Variants in GABBR2 observed in about 807,000 individuals in gnomAD.
GABBR2 encodes G-protein coupled receptor 51.
A neutral mutation model predicts 105.6 loss-of-function variants in GABBR2; 23 were observed. The observed-to-expected ratio is 0.22, with a 90% CI of 0.16 to 0.31. The LOEUF (loss-of-function observed/expected upper bound fraction) is 0.31, where lower values mean the gene tolerates loss of function less well. GABBR2 is among the 10% of genes least tolerant of loss of function. The probability of loss-of-function intolerance (pLI) is 1.00; values close to 1 mark genes in which losing one functional copy is unlikely to be tolerated. For missense variants in GABBR2, 734 were observed against 1,245.5 expected (o/e 0.59, Z 6.18); for synonymous variants, 478 against 499.7 (o/e 0.96, Z 0.58).
At chr9:98,394,686 C>T (rs1832255216) in intron 8 of GABBR2, among the ~76,000 whole-genome samples, 2 of 152,210 alleles carry the variant, frequency 1.3e-5, no homozygotes, top group Non-Finnish European at 2.9e-5. Context: ...GGTCAGTCTG[C>T]TGATACCACC....
chr9:98,342,924 G>A (rs1831238283), intron 13 of GABBR2, among the ~76,000 whole-genome samples: 2 of 152,338 alleles, frequency 1.3e-5, no homozygotes, highest in East Asian at 1.9e-4. Context: ...TCCTGAAAGT[G>A]CCTGCTTTAG....
At chr9:98,453,291 G>A (rs1352107127) in intron 7 of GABBR2, among the ~76,000 whole-genome samples, 3 of 152,238 alleles carry the variant, frequency 2.0e-5, no homozygotes, top group Non-Finnish European at 4.4e-5. Flanking sequence ...CTCCCAAAGT[G>A]TTGGGATTAC....
At chr9:98,479,366 C>A (rs532190482) in intron 5 of GABBR2, among the ~76,000 whole-genome samples, 3 of 152,272 alleles carry the variant, frequency 2.0e-5, no homozygotes, top group South Asian at 4.1e-4. Context: ...GTTACAATCC[C>A]CATTTTACAG....
intron 7 of GABBR2, among the ~76,000 whole-genome samples, chr9:98,453,693 G>A (rs1298627515): frequency 1.3e-5 from 2 of 152,284 alleles, no homozygotes; most frequent in Non-Finnish European, 2.9e-5. Context: ...AGGATAGAAC[G>A]CTTTTCAACC....
rs796410953 is a variant in GABBR2, at chr9:98,288,873, C to A, written c.*1711G>T. The A allele has an allele frequency of 6.6e-6, 1 of 152,582 alleles. No homozygotes were observed. Among genetic ancestry groups the A allele is most frequent in the Admixed American group, 6.5e-5 (1 of 15,274 alleles). 9.5% of individuals were successfully genotyped at this position (152,582 alleles called of 1,614,324 possible). ...ATTCCTGTGGGCCCTTTTGTCAAAG[C>A]CTGGTGGAGAAAACAGTTTATTCCT... On this transcript the variant is annotated 3_prime_UTR_variant, in exon 19 of 19. Transcript: ENST00000259455.
chr9:98,599,761 G>A (rs562079793), intron 1 of GABBR2, among the ~76,000 whole-genome samples: 21 of 152,326 alleles, frequency 1.4e-4, no homozygotes, highest in Admixed American at 5.2e-4. Flanking sequence ...ACCCCACCCC[G>A]CATGGCACCA....
intron 1 of GABBR2, among the ~76,000 whole-genome samples, chr9:98,672,508 C>T (rs1279449757): frequency 6.6e-6 from 1 of 152,254 alleles, no homozygotes; most frequent in African/African-American, 2.4e-5. Flanking sequence ...TCTTCAGATG[C>T]AGATTCTCAG....
intron 13 of GABBR2, among the ~76,000 whole-genome samples, chr9:98,348,690 A>G (rs1831341495): frequency 6.6e-6 from 1 of 152,134 alleles, no homozygotes; most frequent in African/African-American, 2.4e-5. Flanking sequence ...TGTAGCTATT[A>G]TAAATGAAAT....
rs771523927 is a variant in GABBR2, at chr9:98,406,125, C to T, written c.1253G>A (p.Arg418Gln). 5.1e-6 allele frequency: 8 copies of T among 1,580,268 alleles called. No individual in the cohort carries two copies. The highest frequency in any genetic ancestry group is 1.4e-5 in the African/African-American group (1 of 73,344). Residue 418 changes from arginine (R) to glutamine (Q), a missense_variant, in exon 8 of 19, where the codon CGG (arginine) becomes CAG (glutamine). Transcript: ENST00000259455. ...FFGVTGQVVF[R>Q]NGERMGTIKF... ...AATGGTCCCCATTCTCTCCCCATTC[C>T]GGAATACAACTTGACCCTAAAAACA...
chr9:98,332,081 G>T (rs3780436), intron 13 of GABBR2, among the ~76,000 whole-genome samples: 26,358 of 152,068 alleles, frequency 0.17, 2,917 homozygotes, highest in African/African-American at 0.3. Context: ...TGAAGGAGCC[G>T]AGCTTTGGGG....
chr9:98,561,877 G>A (rs1828677761), intron 2 of GABBR2, among the ~76,000 whole-genome samples: 2 of 152,020 alleles, frequency 1.3e-5, no homozygotes, highest in Admixed American at 1.3e-4. Context: ...GAATGAGACT[G>A]TCTCTCAAAA....
chr9:98,572,535 T>C (rs1033473657), intron 2 of GABBR2, among the ~76,000 whole-genome samples: 2 of 152,160 alleles, frequency 1.3e-5, no homozygotes, highest in Non-Finnish European at 2.9e-5. Context: ...ATTTATCAAA[T>C]CCCTTGGGCA....
At chr9:98,376,327 A>G (rs1831873221) in intron 11 of GABBR2, among the ~76,000 whole-genome samples, 1 of 152,152 alleles carries the variant, frequency 6.6e-6, no homozygotes, top group South Asian at 2.1e-4. Flanking sequence ...CAGATGACGC[A>G]TGGGACTGCT....
chr9:98,385,290 A>G (rs1395060859), intron 11 of GABBR2, among the ~76,000 whole-genome samples: 1 of 152,016 alleles, frequency 6.6e-6, no homozygotes, highest in Non-Finnish European at 1.5e-5. Context: ...TGCAACCTTG[A>G]TCTTTGGGCT....
chr9:98,337,686 T>C (rs1270167664), intron 13 of GABBR2, among the ~76,000 whole-genome samples: 3 of 152,296 alleles, frequency 2.0e-5, no homozygotes, highest in East Asian at 3.9e-4. Flanking sequence ...TACACATCCA[T>C]GGTCAGCTGA....
chr9:98,300,761 G>A (rs1236054341), intron 16 of GABBR2, among the ~76,000 whole-genome samples: 1 of 152,118 alleles, frequency 6.6e-6, no homozygotes, highest in Non-Finnish European at 1.5e-5. Context: ...ATCTGATGTA[G>A]GTCAAAAGAC....
intron 2 of GABBR2, among the ~76,000 whole-genome samples, chr9:98,543,435 G>C (rs997866667): frequency 3.3e-5 from 5 of 151,952 alleles, no homozygotes; most frequent in Admixed American, 3.3e-4. Context: ...TGCTATCATA[G>C]CTCACTGCAG....
Position 98,614,597 on chromosome 9 carries a change from T to C in GABBR2, c.322-36525A>G, listed in dbSNP as rs146074710. 2.5e-3 allele frequency among the ~76,000 whole-genome samples: 374 copies of C among 152,302 alleles called. 1 individual carries two copies. The highest frequency in any genetic ancestry group is 8.6e-3 in the African/African-American group (357 of 41,564). On this transcript the variant is annotated intron_variant, in intron 1 of 18. Coordinates refer to ENST00000259455, the MANE Select transcript of GABBR2 (RefSeq NM_005458.8). ...GAGTAAAACAAAATGGGTTATAGAA[T>C]GTTATATATAGTATGATGTCTACAT...
At chr9:98,300,973 G>A (rs1276348245) in intron 16 of GABBR2, among the ~76,000 whole-genome samples, 1 of 152,202 alleles carries the variant, frequency 6.6e-6, no homozygotes, top group Non-Finnish European at 1.5e-5. Flanking sequence ...AAGATCTTCT[G>A]GGTAGCTGAA....
Sources: allele counts gnomAD v4.1 joint callset (sites outside exome capture counted in the v4.1 genomes callset), GRCh38; gene constraint gnomAD v4.1.1; transcripts MANE v1.5; gene names NCBI Gene and HGNC (gene_info 2026-07-23, HGNC 2026-07-21).